ABCC9: variants seen among roughly 807,000 people sequenced by gnomAD.
The protein encoded by ABCC9 is ATP-binding cassette sub-family C member 9.
Under a neutral mutation model 188.3 loss-of-function variants are expected in ABCC9, and 95 were observed. The observed-to-expected ratio is 0.50, with a 90% CI of 0.43 to 0.60. The LOEUF (loss-of-function observed/expected upper bound fraction) is 0.60. Ranked by LOEUF, ABCC9 falls within the 20% of genes least tolerant of loss-of-function variation. ABCC9 has a pLI of 0.00. For synonymous variants in ABCC9, 659 were observed against 652.7 expected, an observed-to-expected ratio of 1.01 and a Z score of -0.15; for missense variants, 1,102 against 1,876.3, an observed-to-expected ratio of 0.59 and a Z score of 7.62.
chr12:21,905,046 A>G (rs1752022446), intron 12 of ABCC9, among the ~76,000 whole-genome samples: 1 of 152,240 alleles, frequency 6.6e-6, no homozygotes, highest in African/African-American at 2.4e-5. Flanking sequence ...CAACAATGAT[A>G]GACTGGATTA....
intron 18 of ABCC9, among the ~76,000 whole-genome samples, chr12:21,865,765 T>C (rs1243029728): frequency 6.6e-6 from 1 of 152,196 alleles, no homozygotes; most frequent in Non-Finnish European, 1.5e-5. Context: ...ATTCCGACTC[T>C]ATTTATTCAG....
intron 7 of ABCC9, among the ~76,000 whole-genome samples, chr12:21,915,267 A>ATATGTGTGTATGTATATAC (rs774503903): frequency 1.1e-4 from 10 of 89,174 alleles, no homozygotes; most frequent in African/African-American, 4.5e-4. Context: ...GTGTGTATAT[A>ATATGTGTGTATGTATATAC]ATGTGTATAT....
chr12:21,915,225 A>ATATGTGTG (rs1393960478), intron 7 of ABCC9, among the ~76,000 whole-genome samples: 8 of 129,130 alleles, frequency 6.2e-5, no homozygotes, highest in Admixed American at 7.9e-5. Context: ...TTATATATAT[A>ATATGTGTG]TGTGTGTGTG....
At position 21,910,901 on chromosome 12, in the gene ABCC9, A is replaced by T; in HGVS notation, c.1089T>A (p.Ile363=). 1.2e-6 allele frequency: 2 copies of T among 1,612,620 alleles called. No individual in the cohort carries two copies. Among genetic ancestry groups the T allele is most frequent in the Non-Finnish European group, 1.7e-6 (2 of 1,178,912 alleles). ...VLAVLLFLAL[I]LQRTFLQASY... Reference sequence around the variant, plus strand: ...AAGCCTGCAAAAATGTCCTTTGCAGAATAAGAGCCAAGAAGAGAAGAACTG... The same window carrying T: ...AAGCCTGCAAAAATGTCCTTTGCAGTATAAGAGCCAAGAAGAGAAGAACTG... The change falls in exon 9 of 40, where the codon ATT becomes ATA. Residue 363 remains isoleucine (I), a synonymous_variant. Coordinates refer to ENST00000261200, the MANE Select transcript of ABCC9 (RefSeq NM_020297.4).
chr12:21,851,543 C>A (rs1944965812), intron 24 of ABCC9, among the ~76,000 whole-genome samples: 1 of 152,088 alleles, frequency 6.6e-6, no homozygotes, highest in African/African-American at 2.4e-5. Flanking sequence ...GTAAAAAGGG[C>A]TTTGTGGACT....
intron 24 of ABCC9, among the ~76,000 whole-genome samples, chr12:21,851,210 A>G (rs1462019105): frequency 6.6e-6 from 1 of 152,176 alleles, no homozygotes; most frequent in Non-Finnish European, 1.5e-5. Flanking sequence ...CCAACTCAAG[A>G]ACAAAACATT....
At chr12:21,940,554 G>A (rs1949649926) in intron 2 of ABCC9, among the ~76,000 whole-genome samples, 156 bp downstream of exon 2, 1 of 152,158 alleles carries the variant, frequency 6.6e-6, no homozygotes, top group Non-Finnish European at 1.5e-5. Context: ...CTGACTTAGT[G>A]CCTGATCTGA....
In ABCC9 at chr12:21,817,180, G is replaced by T. The variant is rs1370240964; in HGVS notation, c.3892+7C>A. ...TTAAGTGAGACAAACAATATTTAGA[G>T]CAATACCCATTGTGCCTTCATAGTT... On this transcript the variant is annotated splice_region_variant and intron_variant, in intron 33 of 39. Transcript: ENST00000261200. The T allele has an allele frequency of 6.2e-7, 1 of 1,612,704 alleles. No homozygotes were observed. Among genetic ancestry groups the T allele is most frequent in the Admixed American group, 1.7e-5 (1 of 59,980 alleles).
intron 16 of ABCC9, among the ~76,000 whole-genome samples, chr12:21,879,983 TCA>T (rs1946542221): frequency 6.6e-6 from 1 of 151,722 alleles, no homozygotes; most frequent in East Asian, 1.9e-4. Context: ...ATCAGTTGAT[TCA>T]CACACATATA....
intron 39 of ABCC9, among the ~76,000 whole-genome samples, chr12:21,803,063 A>T (rs1332601893): frequency 6.6e-6 from 1 of 151,916 alleles, no homozygotes; most frequent in Non-Finnish European, 1.5e-5. Flanking sequence ...ATCATGTCAA[A>T]GACCACGATT....
intron 39 of ABCC9, chr12:21,805,399 G>C: frequency 2.4e-6 from 3 of 1,270,438 alleles, no homozygotes; most frequent in Non-Finnish European, 3.4e-6. Context: ...TAAGCAGTAA[G>C]CCTAAATATG....
chr12:21,913,230 G>A (rs1948404076), intron 7 of ABCC9, among the ~76,000 whole-genome samples, 164 bp from the exon 8 acceptor site: 1 of 152,076 alleles, frequency 6.6e-6, no homozygotes, highest in African/African-American at 2.4e-5. Context: ...GCATAATTCT[G>A]TATCCTTGCC....
intron 15 of ABCC9, among the ~76,000 whole-genome samples, chr12:21,886,635 C>G (rs1490435336): frequency 6.6e-6 from 1 of 152,040 alleles, no homozygotes; most frequent in Non-Finnish European, 1.5e-5. Context: ...TATATTACTC[C>G]CTACTTTGAA....
intron 30 of ABCC9, among the ~76,000 whole-genome samples, chr12:21,836,768 C>A (rs568900854): frequency 8.0e-5 from 12 of 150,442 alleles, no homozygotes; most frequent in African/African-American, 2.7e-4. Context: ...ACAACAACAA[C>A]AAAAAAAAGA....
At chr12:21,914,829 A>G (rs1048753253) in intron 7 of ABCC9, among the ~76,000 whole-genome samples, 3 of 152,014 alleles carry the variant, frequency 2.0e-5, no homozygotes, top group African/African-American at 7.3e-5. Context: ...ACATGATTCA[A>G]AAGTACAGAG....
intron 39 of ABCC9, chr12:21,805,191 C>T: frequency 6.2e-7 from 1 of 1,613,908 alleles, no homozygotes; most frequent in Non-Finnish European, 8.5e-7. Flanking sequence ...TTGGTCATCA[C>T]CAAAGTGGAA....
intron 4 of ABCC9, among the ~76,000 whole-genome samples, chr12:21,927,868 C>G (rs193203127): frequency 5.3e-5 from 8 of 152,260 alleles, no homozygotes; most frequent in African/African-American, 1.9e-4. Flanking sequence ...AAATAGATAA[C>G]TATTTTGTCA....
At position 21,917,052 on chromosome 12, in the gene ABCC9, A is replaced by C; in HGVS notation, c.458T>G (p.Val153Gly). Residue 153 changes from valine (V) to glycine (G), a missense_variant, in exon 6 of 40, where the codon GTT becomes GGT. Physicochemically the swap from Val to Gly is moderately radical, Grantham distance 109. Around this residue, in one of 12 missense-constraint regions of ABCC9, gnomAD observed 305 missense variants for 573.0 expected, o/e 0.53. Coordinates refer to ENST00000261200, the MANE Select transcript of ABCC9 (RefSeq NM_020297.4). ...GTCCAAGCCAGACTGACAGTACTTA[A>C]CCAATTTTATTGTTTTTGTAATAAA... ...MAFITKTIKLVKYCQSGLDIS... is the reference protein window; with the variant it reads ...MAFITKTIKLGKYCQSGLDIS... The C allele has an allele frequency of 6.2e-7, 1 of 1,613,866 alleles. No homozygotes were observed. The highest frequency in any genetic ancestry group is 8.5e-7 in the Non-Finnish European group (1 of 1,179,824).
chr12:21,894,560 CTG>C (rs1181570967), intron 13 of ABCC9, among the ~76,000 whole-genome samples: 1 of 72,440 alleles, frequency 1.4e-5, no homozygotes, highest in East Asian at 2.9e-4. Flanking sequence ...GGGGTCCTCA[CTG>C]TGGATCTTTA....
Sources: gnomAD v4.1 joint callset for allele counts (sites outside exome capture counted in the v4.1 genomes callset) on GRCh38, gnomAD v4.1.1 for gene constraint, gnomAD v4.1.1 regional missense constraint, MANE v1.5 for transcripts, NCBI Gene and HGNC (gene_info 2026-07-23, HGNC 2026-07-21) for gene names.